The following TBC1D32 variants were observed in gnomAD, a reference collection of about 807,000 sequenced individuals.
The protein encoded by TBC1D32 is protein broad-minded.
In TBC1D32, 151 loss-of-function variants were observed where a neutral mutation model predicts 170.3. That is an observed-to-expected ratio of 0.89 (90% confidence interval 0.78 to 1.01). The LOEUF is 1.01. Ranked by LOEUF, TBC1D32 falls within the 50% of genes least tolerant of loss-of-function variation. TBC1D32 has a pLI of 0.00. For synonymous variants in TBC1D32, 498 were observed against 488.0 expected (o/e 1.02, Z -0.27); for missense variants, 1,464 against 1,457.1 (o/e 1.00, Z -0.08).
intron 17 of TBC1D32, among the ~76,000 whole-genome samples, chr6:121,253,779 T>A (rs1221281327): frequency 6.6e-6 from 1 of 152,086 alleles, no homozygotes; most frequent in African/African-American, 2.4e-5. Context: ...ACTTTTATAC[T>A]GCTGGTGGGA....
rs139386674 is a variant in TBC1D32, at chr6:121,149,879, C to T, written c.2773+10131G>A. ...GCCATTTTCATGATATTGATTATTC[C>T]TATGCATGAGCATGGAATGTTTTTC... On this transcript the variant is annotated intron_variant, in intron 24 of 31. Coordinates refer to ENST00000398212, the MANE Select transcript of TBC1D32 (RefSeq NM_152730.6). Among the ~76,000 whole-genome samples the T allele has an allele frequency of 3.7e-3, 566 of 152,310 alleles. 2 individuals carry two copies. Among genetic ancestry groups the T allele is most frequent in the African/African-American group, 0.012 (518 of 41,564 alleles).
intron 24 of TBC1D32, among the ~76,000 whole-genome samples, chr6:121,149,887 GA>G (rs1376980462): frequency 6.6e-6 from 1 of 152,176 alleles, no homozygotes; most frequent in East Asian, 1.9e-4. Context: ...TCCTATGCAT[GA>G]GCATGGAATG....
chr6:121,095,432 C>G (rs1297246844), intron 30 of TBC1D32, among the ~76,000 whole-genome samples: 1 of 152,166 alleles, frequency 6.6e-6, no homozygotes, highest in East Asian at 1.9e-4. Flanking sequence ...ATTTCTTTCT[C>G]TTGCCTGATT....
intron 21 of TBC1D32, among the ~76,000 whole-genome samples, chr6:121,209,726 C>T (rs1792804088): frequency 6.6e-6 from 1 of 152,180 alleles, no homozygotes; most frequent in Non-Finnish European, 1.5e-5. Flanking sequence ...AGAATTCAAA[C>T]TCTTAACCAT....
At chr6:121,249,474 C>T (rs1798023561) in intron 17 of TBC1D32, among the ~76,000 whole-genome samples, 1 of 151,660 alleles carries the variant, frequency 6.6e-6, no homozygotes, top group Admixed American at 6.6e-5. Flanking sequence ...AGAGCAATCA[C>T]ACAAGAAAAA....
chr6:121,091,616 C>T (rs1776807788), intron 30 of TBC1D32, among the ~76,000 whole-genome samples: 1 of 151,872 alleles, frequency 6.6e-6, no homozygotes, highest in South Asian at 2.1e-4. Context: ...TTTTGAATAA[C>T]ATTTGTTCAG....
intron 24 of TBC1D32, among the ~76,000 whole-genome samples, chr6:121,146,286 G>A (rs1045706976): frequency 1.3e-5 from 2 of 152,168 alleles, no homozygotes; most frequent in Non-Finnish European, 2.9e-5. Flanking sequence ...AAAGAAAAAG[G>A]GAGAACTGCT....
chr6:121,085,750 C>G (rs1432211681), intron 31 of TBC1D32, among the ~76,000 whole-genome samples: 1 of 151,914 alleles, frequency 6.6e-6, no homozygotes, highest in African/African-American at 2.4e-5. Flanking sequence ...GTTTGTAATT[C>G]TGGATAGAAT....
chr6:121,141,290 G>A (rs1309625639), intron 24 of TBC1D32, among the ~76,000 whole-genome samples: 1 of 152,088 alleles, frequency 6.6e-6, no homozygotes, highest in Non-Finnish European at 1.5e-5. Flanking sequence ...GTTTAAACAG[G>A]ACACCCATGG....
intron 22 of TBC1D32, 72 bp from the exon 23 acceptor site, chr6:121,161,128 G>T: frequency 2.6e-6 from 3 of 1,152,556 alleles, no homozygotes; most frequent in Non-Finnish European, 2.5e-6. Flanking sequence ...TCAAGTCTCT[G>T]GATTGTAAAG....
At chr6:121,144,562 G>GA (rs1202349936) in intron 24 of TBC1D32, among the ~76,000 whole-genome samples, 4 of 151,984 alleles carry the variant, frequency 2.6e-5, no homozygotes, top group Non-Finnish European at 4.4e-5. Flanking sequence ...TCTGAAAGGG[G>GA]AAAAAATGCC....
chr6:121,156,760 T>A (rs1784943942), intron 24 of TBC1D32, among the ~76,000 whole-genome samples: 1 of 152,194 alleles, frequency 6.6e-6, no homozygotes, highest in Admixed American at 6.5e-5. Flanking sequence ...CTGACTTAAT[T>A]TCATTGTTCA....
chr6:121,161,059 G>A lies in TBC1D32; in HGVS notation c.2571-3C>T, dbSNP rs1221863007. ...ATAAGCCATCAATTATAAAGTCCCT[G>A]AAAAAATAAATATATCACCTTTGTC... On this transcript the variant is annotated splice_region_variant and splice_polypyrimidine_tract_variant and intron_variant, in intron 22 of 31. Coordinates refer to ENST00000398212, the MANE Select transcript of TBC1D32 (RefSeq NM_152730.6). 1.3e-6 allele frequency: 2 copies of A among 1,596,008 alleles called. No homozygotes were observed. Among genetic ancestry groups the A allele is most frequent in the South Asian group, 1.1e-5 (1 of 88,824 alleles).
intron 30 of TBC1D32, among the ~76,000 whole-genome samples, chr6:121,095,700 T>C (rs1475164630): frequency 6.6e-6 from 1 of 152,224 alleles, no homozygotes; most frequent in East Asian, 1.9e-4. Flanking sequence ...TCGTGGTTTT[T>C]GTCATTAGTT....
chr6:121,329,131 CTT>C (rs2128513626), intron 1 of TBC1D32, among the ~76,000 whole-genome samples: 1 of 152,308 alleles, frequency 6.6e-6, no homozygotes, highest in Admixed American at 6.5e-5. Context: ...CATTGAAAAA[CTT>C]TACCAAATTG....
intron 15 of TBC1D32, among the ~76,000 whole-genome samples, chr6:121,262,625 T>C (rs1157597282): frequency 6.6e-6 from 1 of 152,006 alleles, no homozygotes; most frequent in Non-Finnish European, 1.5e-5. Context: ...TATAGGCATG[T>C]GCCACCATAC....
At chr6:121,102,251 GT>G (rs1778193998) in intron 30 of TBC1D32, among the ~76,000 whole-genome samples, 2 of 151,878 alleles carry the variant, frequency 1.3e-5, no homozygotes, top group Admixed American at 1.3e-4. Flanking sequence ...TAAAGTTCAT[GT>G]GGAACCAGAA....
intron 12 of TBC1D32, among the ~76,000 whole-genome samples, chr6:121,288,032 T>G (rs2128457111): frequency 6.6e-6 from 1 of 152,266 alleles, no homozygotes; most frequent in Non-Finnish European, 1.5e-5. Flanking sequence ...TAGCTCTAAA[T>G]GCCCACAAGA....
intron 21 of TBC1D32, among the ~76,000 whole-genome samples, chr6:121,211,016 C>T (rs942328293): frequency 6.6e-6 from 1 of 152,026 alleles, no homozygotes; most frequent in African/African-American, 2.4e-5. Context: ...CTGGCAAGTA[C>T]AATATAAGCC....
Sources: allele counts gnomAD v4.1 joint callset (sites outside exome capture counted in the v4.1 genomes callset), GRCh38; gene constraint gnomAD v4.1.1; transcripts MANE v1.5; gene names NCBI Gene and HGNC (gene_info 2026-07-23, HGNC 2026-07-21).